Variants in GTF2F2 observed in about 807,000 individuals in gnomAD.
The protein encoded by GTF2F2 is ATP-dependent helicase GTF2F2.
A neutral mutation model predicts 42.2 loss-of-function variants in GTF2F2; 23 were observed. The observed-to-expected ratio is 0.55, with a 90% CI of 0.39 to 0.77. The LOEUF is 0.77. GTF2F2 is among the 30% of genes least tolerant of loss of function. The pLI is 0.00. For missense variants in GTF2F2, 261 were observed against 287.2 expected (o/e 0.91, Z 0.66); for synonymous variants, 105 against 100.8 (o/e 1.04, Z -0.25).
intron 4 of GTF2F2, among the ~76,000 whole-genome samples, chr13:45,164,010 C>T (rs1312207927): frequency 6.6e-6 from 1 of 152,138 alleles, no homozygotes; most frequent in African/African-American, 2.4e-5. Flanking sequence ...AAAAATTAGC[C>T]AAGTGTGGTG....
chr13:45,155,329 G>GA (rs1188767623), intron 4 of GTF2F2, among the ~76,000 whole-genome samples: 3 of 152,174 alleles, frequency 2.0e-5, no homozygotes, highest in Non-Finnish European at 4.4e-5. Flanking sequence ...ATCAAGTATA[G>GA]AACTGTACCT....
chr13:45,278,306 C>G (rs2138277353), intron 7 of GTF2F2, among the ~76,000 whole-genome samples: 1 of 152,318 alleles, frequency 6.6e-6, no homozygotes, highest in East Asian at 1.9e-4. Context: ...AACAAACATC[C>G]TAATCACTTG....
At chr13:45,227,994 CAGA>C (rs1874449216) in intron 5 of GTF2F2, among the ~76,000 whole-genome samples, 1 of 152,144 alleles carries the variant, frequency 6.6e-6, no homozygotes, top group Non-Finnish European at 1.5e-5. Context: ...TTTGACGTTC[CAGA>C]AGCTCTTTCA....
chr13:45,230,447 A>G (rs898892382), intron 5 of GTF2F2, among the ~76,000 whole-genome samples: 1 of 152,160 alleles, frequency 6.6e-6, no homozygotes, highest in African/African-American at 2.4e-5. Context: ...TAGTAGGAGA[A>G]ATATGGGAGG....
At chr13:45,267,659 T>C (rs1329508807) in intron 7 of GTF2F2, among the ~76,000 whole-genome samples, 1 of 152,210 alleles carries the variant, frequency 6.6e-6, no homozygotes, top group Non-Finnish European at 1.5e-5. Flanking sequence ...TTCTGGTCTT[T>C]ATTTTGTTTC....
chr13:45,261,155 A>G (rs890990829), intron 6 of GTF2F2, among the ~76,000 whole-genome samples: 3 of 152,020 alleles, frequency 2.0e-5, no homozygotes, highest in Non-Finnish European at 4.4e-5. Flanking sequence ...GGCCGGGTGC[A>G]GTGGCTCAAG....
chr13:45,150,568 C>A (rs1593456365), intron 3 of GTF2F2, among the ~76,000 whole-genome samples: 1 of 151,502 alleles, frequency 6.6e-6, no homozygotes, highest in East Asian at 1.9e-4. Flanking sequence ...CTTCTATATG[C>A]CAGGCACTCT....
At chr13:45,194,017 G>A (rs760161994) in intron 4 of GTF2F2, 2 of 1,614,044 alleles carry the variant, frequency 1.2e-6, no homozygotes, top group South Asian at 2.2e-5. Context: ...AAACTCCTCT[G>A]GAAATCCATC....
intron 4 of GTF2F2, among the ~76,000 whole-genome samples, chr13:45,175,123 G>A (rs1168584506): frequency 1.3e-5 from 2 of 152,138 alleles, no homozygotes; most frequent in Non-Finnish European, 2.9e-5. Context: ...CCAGCCTCTA[G>A]TAATCACTAT....
chr13:45,182,138 T>C (rs1339146723), intron 4 of GTF2F2, among the ~76,000 whole-genome samples: 1 of 152,108 alleles, frequency 6.6e-6, no homozygotes, highest in South Asian at 2.1e-4. Flanking sequence ...TTAGACTACA[T>C]TTCACTTTCC....
At chr13:45,173,485 A>G (rs1436764986) in intron 4 of GTF2F2, among the ~76,000 whole-genome samples, 2 of 151,970 alleles carry the variant, frequency 1.3e-5, no homozygotes, top group African/African-American at 2.4e-5. Context: ...CACCACAAGA[A>G]TCCCTCAGGT....
At position 45,252,904 on chromosome 13, in the gene GTF2F2, G is replaced by A. The variant is rs748102503; in HGVS notation, c.420G>A (p.Arg140=). The change falls in exon 6 of 8, where the codon AGG becomes AGA. Residue 140 remains arginine (R), a synonymous_variant. Coordinates refer to ENST00000340473, the MANE Select transcript of GTF2F2 (RefSeq NM_004128.3). The stretch of plus-strand genomic sequence containing the variant: ...TAGAAGAGTCTTCCAAACCAGTGAG[G>A]CTATCACAACAGCTGGACAAAGTTG... ...LQIEESSKPV[R]LSQQLDKVVT... is the part of the protein sequence containing the mutation. 6 of 1,509,464 alleles carry A rather than the reference G, an allele frequency of 4.0e-6. No homozygotes were observed. The Admixed American group carries it at 1.5e-4, about 37-fold the overall frequency. The allele number at this position is 1,509,464 out of a possible 1,614,324, so 93.5% of individuals were successfully genotyped here. A position where few individuals can be genotyped will look rare whatever the true frequency, so the allele number is the denominator to read the frequency against.
chr13:45,239,456 T>G (rs1346771191), intron 5 of GTF2F2, among the ~76,000 whole-genome samples: 1 of 152,204 alleles, frequency 6.6e-6, no homozygotes, highest in Non-Finnish European at 1.5e-5. Context: ...TCTTACAGTG[T>G]TTCTTTGAAA....
chr13:45,136,630 C>T (rs3803244), intron 1 of GTF2F2, 103 bp from the exon 2 acceptor site: 40,490 of 640,482 alleles, frequency 0.063, 1,521 homozygotes, highest in Admixed American at 0.097. Context: ...GATAATGATC[C>T]CTTATTAGAG....
chr13:45,230,928 T>C (rs1874644538), intron 5 of GTF2F2, among the ~76,000 whole-genome samples: 1 of 152,114 alleles, frequency 6.6e-6, no homozygotes, highest in Non-Finnish European at 1.5e-5. Context: ...TGTGGGGTTT[T>C]TTTTGCAGCT....
chr13:45,180,099 C>T (rs1237603354), intron 4 of GTF2F2, among the ~76,000 whole-genome samples: 1 of 152,156 alleles, frequency 6.6e-6, no homozygotes, highest in African/African-American at 2.4e-5. Flanking sequence ...AATAACGTCT[C>T]ATTTTTACTT....
At chr13:45,220,919 C>T (rs944859867) in intron 5 of GTF2F2, 1 of 151,264 alleles carries the variant, frequency 6.6e-6, no homozygotes, top group East Asian at 1.9e-4. Flanking sequence ...GGTAAGTGAT[C>T]CCATCTGCTT....
intron 5 of GTF2F2, among the ~76,000 whole-genome samples, chr13:45,250,756 G>A (rs1477833677): frequency 1.3e-5 from 2 of 152,092 alleles, no homozygotes; most frequent in Non-Finnish European, 2.9e-5. Context: ...GCTGCACCCC[G>A]AGAATAGTAA....
At chr13:45,283,350 G>A in intron 7 of GTF2F2, 92 bp from the exon 8 acceptor site, 1 of 1,109,130 alleles carries the variant, frequency 9.0e-7, no homozygotes, top group Non-Finnish European at 1.3e-6. Context: ...AATTTTTATG[G>A]CTTGCATATG....
Sources: allele counts gnomAD v4.1 joint callset (sites outside exome capture counted in the v4.1 genomes callset), GRCh38; gene constraint gnomAD v4.1.1; transcripts MANE v1.5; gene names NCBI Gene and HGNC (gene_info 2026-07-23, HGNC 2026-07-21).